TMEM232: variants seen among roughly 807,000 people sequenced by gnomAD.
The protein encoded by TMEM232 is transmembrane protein 232.
A neutral mutation model predicts 78.8 loss-of-function variants in TMEM232; 80 were observed. That is an observed-to-expected ratio of 1.01 (90% CI 0.85 to 1.22). The LOEUF (loss-of-function observed/expected upper bound fraction) is 1.22. TMEM232 is among the 50% of genes most tolerant of loss of function. The pLI is 0.00. For synonymous variants in TMEM232, 297 were observed against 254.3 expected (o/e 1.17, Z -1.60); for missense variants, 881 against 742.2 (o/e 1.19, Z -2.17).
At chr5:110,547,660 ATTATTC>A (rs1773939145) in intron 11 of TMEM232, among the ~76,000 whole-genome samples, 1 of 152,174 alleles carries the variant, frequency 6.6e-6, no homozygotes, top group Non-Finnish European at 1.5e-5. Context: ...ATGACAAGAT[ATTATTC>A]TTAGTCAATG....
chr5:110,652,154 T>G (rs1561456090), intron 2 of TMEM232, among the ~76,000 whole-genome samples: 1 of 152,186 alleles, frequency 6.6e-6, no homozygotes, highest in African/African-American at 2.4e-5. Flanking sequence ...TTAGCTGTTT[T>G]TCTAAGATCC....
At chr5:110,490,524 A>C (rs930004044) in intron 12 of TMEM232, among the ~76,000 whole-genome samples, 2 of 152,170 alleles carry the variant, frequency 1.3e-5, no homozygotes, top group Non-Finnish European at 2.9e-5. Context: ...CTAATATCAT[A>C]TGGAAATGCA....
At chr5:110,588,782 G>A (rs1779159321) in intron 10 of TMEM232, among the ~76,000 whole-genome samples, 1 of 152,104 alleles carries the variant, frequency 6.6e-6, no homozygotes, top group African/African-American at 2.4e-5. Flanking sequence ...AGCAGACTTT[G>A]TTCACTGTTT....
downstream of TMEM232, among the ~76,000 whole-genome samples, chr5:110,415,312 C>T (rs528472768): frequency 2.2e-3 from 340 of 151,956 alleles, 3 homozygotes; most frequent in African/African-American, 6.2e-3. Flanking sequence ...CTCAGCCTCC[C>T]GAGTAGCTGG....
At chr5:110,534,031 T>C (rs1278071848) in intron 11 of TMEM232, among the ~76,000 whole-genome samples, 5 of 152,166 alleles carry the variant, frequency 3.3e-5, no homozygotes, top group African/African-American at 9.7e-5. Context: ...AGCTCCAGGA[T>C]TTGCCCCCGC....
rs552752686 is a variant in TMEM232, at chr5:110,505,942, G to T, written c.1703+22646C>A. Among the ~76,000 whole-genome samples, 9 of 152,292 alleles carry T rather than the reference G, an allele frequency of 5.9e-5. No individual in the cohort carries two copies. The South Asian group carries it at 1.7e-3, about 28-fold the overall frequency. On this transcript the variant is annotated intron_variant, in intron 12 of 13. Coordinates refer to ENST00000455884, the MANE Select transcript of TMEM232 (RefSeq NM_001039763.4). Reference sequence around the variant, plus strand: ...AGGGGAGGAGAAGGAAGTATGAAAAGTGAAGGAACCTGGTCAGTTCAACAG... The same window carrying T: ...AGGGGAGGAGAAGGAAGTATGAAAATTGAAGGAACCTGGTCAGTTCAACAG...
intron 12 of TMEM232, among the ~76,000 whole-genome samples, chr5:110,432,573 G>A (rs1031537099): frequency 2.0e-5 from 3 of 151,570 alleles, no homozygotes; most frequent in Admixed American, 6.6e-5. Flanking sequence ...GTACATAATC[G>A]AGACTACCAC....
At chr5:110,584,155 T>C (rs1204435246) in intron 10 of TMEM232, among the ~76,000 whole-genome samples, 1 of 151,896 alleles carries the variant, frequency 6.6e-6, no homozygotes, top group Non-Finnish European at 1.5e-5. Flanking sequence ...TGGATATTGA[T>C]CCAAAGGAAT....
chr5:110,653,876 G>T (rs575411003), intron 2 of TMEM232, among the ~76,000 whole-genome samples: 1 of 152,106 alleles, frequency 6.6e-6, no homozygotes, highest in Non-Finnish European at 1.5e-5. Flanking sequence ...AAATGGATAA[G>T]ATCCAGAAAT....
chr5:110,594,065 C>A (rs554924416), intron 10 of TMEM232, among the ~76,000 whole-genome samples: 1 of 151,966 alleles, frequency 6.6e-6, no homozygotes, highest in Non-Finnish European at 1.5e-5. Flanking sequence ...GTGAAACCAA[C>A]GCAGAAGGTG....
chr5:110,710,548 G>A (rs890342136), intron 1 of TMEM232, among the ~76,000 whole-genome samples: 4 of 152,014 alleles, frequency 2.6e-5, no homozygotes, highest in South Asian at 2.1e-4. Context: ...TATTCATCAT[G>A]ACGAAGAGAA....
At chr5:110,700,795 T>G (rs1403385231) in intron 1 of TMEM232, among the ~76,000 whole-genome samples, 1 of 142,482 alleles carries the variant, frequency 7.0e-6, no homozygotes, top group Non-Finnish European at 1.5e-5. Flanking sequence ...GGTAGATAGA[T>G]AGATAGATAG....
At chr5:110,425,026 T>C (rs548224648) in intron 12 of TMEM232, 110 bp from the exon 13 acceptor site, 17 of 825,944 alleles carry the variant, frequency 2.1e-5, no homozygotes, top group South Asian at 1.1e-4. Flanking sequence ...TGATTCTTCA[T>C]TGTTAACATA....
chr5:110,654,147 T>G (rs1432546178), intron 2 of TMEM232, among the ~76,000 whole-genome samples: 2 of 152,188 alleles, frequency 1.3e-5, no homozygotes, highest in Non-Finnish European at 2.9e-5. Flanking sequence ...CCTGCTGCAC[T>G]GGGGCCTAAG....
In TMEM232 at chr5:110,736,193, C is replaced by T. The variant is rs184760700; in HGVS notation, c.-125-1178G>A. 1.7e-3 allele frequency among the ~76,000 whole-genome samples: 254 copies of T among 152,138 alleles called. 2 individuals carry two copies. Among genetic ancestry groups the T allele is most frequent in the African/African-American group, 5.7e-3 (238 of 41,512 alleles). On this transcript the variant is annotated intron_variant, in intron 1 of 4. Transcript: ENST00000512886. Reference sequence around the variant, plus strand: ...CTAGTTTGAAGCAATAAACTCTGGACGATTTCAGCATAATTATTTTAGAAA... The same window carrying T: ...CTAGTTTGAAGCAATAAACTCTGGATGATTTCAGCATAATTATTTTAGAAA...
intron 2 of TMEM232, among the ~76,000 whole-genome samples, chr5:110,398,392 C>T (rs537196703): frequency 7.9e-5 from 12 of 152,164 alleles, no homozygotes; most frequent in Middle Eastern, 3.4e-3. Context: ...TCAAAGACTC[C>T]GTGAGGTCTA....
At chr5:110,615,144 C>T (rs907190960) in intron 8 of TMEM232, among the ~76,000 whole-genome samples, 1 of 151,898 alleles carries the variant, frequency 6.6e-6, no homozygotes, top group Non-Finnish European at 1.5e-5. Flanking sequence ...AGCCATCCTC[C>T]AAAATTCTTT....
intron 2 of TMEM232, among the ~76,000 whole-genome samples, chr5:110,650,537 T>C (rs1354247735): frequency 6.6e-6 from 1 of 152,156 alleles, no homozygotes; most frequent in African/African-American, 2.4e-5. Context: ...GTGATGAGAA[T>C]GGTGCTTAAC....
chr5:110,419,582 C>T lies in TMEM232; in HGVS notation c.*998G>A, dbSNP rs1435059635. Among the ~76,000 whole-genome samples the T allele has an allele frequency of 1.3e-5, 2 of 152,074 alleles. No homozygotes were observed. Among genetic ancestry groups the T allele is most frequent in the African/African-American group, 4.8e-5 (2 of 41,436 alleles). On this transcript the variant is annotated 3_prime_UTR_variant, in exon 14 of 14. Transcript: ENST00000455884. ...TGGATGATTTTACAATACTGACATA[C>T]ATTTTGGAATGTAACCGAGTGATGG... is the stretch of plus-strand genomic sequence containing the variant.
Sources: allele counts gnomAD v4.1 joint callset (sites outside exome capture counted in the v4.1 genomes callset), GRCh38; gene constraint gnomAD v4.1.1; transcripts MANE v1.5; gene names NCBI Gene and HGNC (gene_info 2026-07-23, HGNC 2026-07-21).